LSM4: variants seen among roughly 807,000 people sequenced by gnomAD.
LSM4 encodes the protein LSM4 homolog, U6 small nuclear RNA and mRNA degradation associated, also known as U6 snRNA-associated Sm-like protein LSm4.
Under a neutral mutation model 22.3 loss-of-function variants are expected in LSM4, and 15 were observed. The observed-to-expected ratio is 0.67, with a 90% confidence interval of 0.45 to 1.03. The LOEUF is 1.03. Among genes scored for constraint, LSM4 ranks in the 50% least tolerant of loss-of-function variants. The pLI, the probability that LSM4 is intolerant of heterozygous loss-of-function variation, is 0.00. For missense variants in LSM4, 127 were observed against 198.0 expected (o/e 0.64, Z 2.15); for synonymous variants, 90 against 79.8 (o/e 1.13, Z -0.68).
chr19:18,307,497 C>T lies in LSM4; in HGVS notation c.387G>A (p.Glu129=), dbSNP rs11545125. Residue 129 remains glutamate, a synonymous_variant, in exon 5 of 5, where the codon GAG becomes GAA. Coordinates refer to ENST00000593829, the MANE Select transcript of LSM4 (RefSeq NM_012321.5). Reference sequence around the variant, plus strand: ...TGCCCGCCTGTCTGCCAGGCTTCTTCTCTGGCTGGCCTCTGCCTGTGCCCG... The same window carrying T: ...TGCCCGCCTGTCTGCCAGGCTTCTTTTCTGGCTGGCCTCTGCCTGTGCCCG... ...GIPGTGRGQP[E]KKPGRQAGKQ The T allele has an allele frequency of 1.3e-6, 2 of 1,556,138 alleles. No individual in the cohort carries two copies. Among genetic ancestry groups the T allele is most frequent in the Middle Eastern group, 1.7e-4 (1 of 5,916 alleles).
At position 18,306,294 on chromosome 19, in the gene LSM4, G is replaced by A. The variant is rs189310742; in HGVS notation, c.*1170C>T. On this transcript the variant is annotated 3_prime_UTR_variant, in exon 5 of 5. Transcript: ENST00000593829. ...CTCTCAAAATAGGTCTCCGAACGAG[G>A]ACCCTGAAGAGAAGGCTATGCAGGG... 3 of 152,196 alleles carry A rather than the reference G, an allele frequency of 2.0e-5. No homozygotes were observed. Among genetic ancestry groups the A allele is most frequent in the Non-Finnish European group, 2.9e-5 (2 of 68,038 alleles). The allele number at this position is 152,196 out of a possible 1,614,324, so 9.4% of individuals were successfully genotyped here.
rs535704226 is a variant in LSM4, at chr19:18,308,401, C to T, written c.329-846G>A. The stretch of plus-strand genomic sequence containing the variant: ...TTGGGGACCCCAGCTCTGTAAGCCC[C>T]GTTTAGGGAGCCGTTTCAGAGAACT... On this transcript the variant is annotated intron_variant, in intron 4 of 4. Coordinates refer to ENST00000593829, the MANE Select transcript of LSM4 (RefSeq NM_012321.5). Among the ~76,000 whole-genome samples, 14 of 152,352 alleles carry T rather than the reference C, an allele frequency of 9.2e-5. No homozygotes were observed. The South Asian group carries it at 2.5e-3, about 27-fold the overall frequency.
chr19:18,315,944 A>G (rs1600169147), intron 2 of LSM4, 80 bp downstream of exon 2: 1 of 1,351,824 alleles, frequency 7.4e-7, no homozygotes. Flanking sequence ...GCAGGCCAGG[A>G]AGCCGTCTGC....
At chr19:18,320,268 G>A (rs1461384015) in intron 1 of LSM4, among the ~76,000 whole-genome samples, 1 of 152,222 alleles carries the variant, frequency 6.6e-6, no homozygotes, top group African/African-American at 2.4e-5. Context: ...AGCACTTTGG[G>A]AGACTGAGGT....
chr19:18,309,898 G>C (rs200691217), intron 3 of LSM4, 37 bp from the exon 4 acceptor site: 6 of 1,598,850 alleles, frequency 3.8e-6, no homozygotes, highest in Non-Finnish European at 4.3e-6. Flanking sequence ...ACTTACCACC[G>C]GGCCGTCTGG....
chr19:18,320,706 G>A (rs180874455), intron 1 of LSM4, among the ~76,000 whole-genome samples: 1 of 152,116 alleles, frequency 6.6e-6, no homozygotes, highest in Non-Finnish European at 1.5e-5. Flanking sequence ...GGCTGAGGTA[G>A]GAGAATCACT....
At chr19:18,318,939 T>C (rs1970389394) in intron 1 of LSM4, among the ~76,000 whole-genome samples, 1 of 152,202 alleles carries the variant, frequency 6.6e-6, no homozygotes, top group East Asian at 1.9e-4. Flanking sequence ...AAAGAACATC[T>C]GAGAAACAAA....
In LSM4 at chr19:18,318,725, C is replaced by T. The variant is rs556946233; in HGVS notation, c.4-2660G>A. Among the ~76,000 whole-genome samples, 28 of 152,340 alleles carry T rather than the reference C, an allele frequency of 1.8e-4. 1 individual carries two copies. In the South Asian group the frequency reaches 4.1e-3, roughly 23 times the overall value. ...TCTCATTCTGCAGAGGAGGCGCCAGCGCCCACAGCAGAAGTGACCTGCCCA... is the reference window on the plus strand; with the variant it reads ...TCTCATTCTGCAGAGGAGGCGCCAGTGCCCACAGCAGAAGTGACCTGCCCA... On this transcript the variant is annotated intron_variant, in intron 1 of 4. Coordinates refer to ENST00000593829, the MANE Select transcript of LSM4 (RefSeq NM_012321.5).
intron 4 of LSM4, 101 bp downstream of exon 4, chr19:18,309,577 A>G: frequency 7.7e-7 from 1 of 1,294,132 alleles, no homozygotes; most frequent in Non-Finnish European, 1.0e-6. Context: ...GAGGGTTGGG[A>G]GGCTCCGAGG....
intron 2 of LSM4, among the ~76,000 whole-genome samples, chr19:18,313,690 T>G (rs1183286512): frequency 6.6e-6 from 1 of 152,026 alleles, no homozygotes; most frequent in Non-Finnish European, 1.5e-5. Context: ...GTTAATTTCT[T>G]TTCCTTTTGT....
chr19:18,311,045 G>A (rs1010695734), intron 3 of LSM4, among the ~76,000 whole-genome samples: 12 of 152,174 alleles, frequency 7.9e-5, no homozygotes, highest in Admixed American at 2.6e-4. Context: ...AGCGCTGGGC[G>A]GGGAGGAACA....
intron 2 of LSM4, among the ~76,000 whole-genome samples, chr19:18,314,196 G>C (rs1970327600): frequency 6.6e-6 from 1 of 152,122 alleles, no homozygotes; most frequent in Non-Finnish European, 1.5e-5. Flanking sequence ...TAGCCAAAAA[G>C]GGGAAAGAGC....
chr19:18,314,402 C>T (rs1465935184), intron 2 of LSM4, among the ~76,000 whole-genome samples: 1 of 151,772 alleles, frequency 6.6e-6, no homozygotes, highest in African/African-American at 2.4e-5. Flanking sequence ...TGGCGTGTAC[C>T]TGTAGTCCCA....
chr19:18,318,232 G>A (rs977107439), intron 1 of LSM4, among the ~76,000 whole-genome samples: 7 of 152,230 alleles, frequency 4.6e-5, no homozygotes, highest in Non-Finnish European at 1.0e-4. Flanking sequence ...TGTGGAGGCC[G>A]GAAATGGCCC....
chr19:18,319,753 G>A (rs577783727), intron 1 of LSM4, among the ~76,000 whole-genome samples: 8 of 152,232 alleles, frequency 5.3e-5, no homozygotes, highest in African/African-American at 1.9e-4. Flanking sequence ...CTGCTGAAAC[G>A]TCACCTCCTT....
chr19:18,307,566 G>A lies in LSM4; in HGVS notation c.329-11C>T. On this transcript the variant is annotated splice_polypyrimidine_tract_variant and intron_variant, in intron 4 of 4. Coordinates refer to ENST00000593829, the MANE Select transcript of LSM4 (RefSeq NM_012321.5). ...GGCCACCAAACACACCTAGAGGACAGAGAGAGGGCGCTGCAGCAGAGCCAG... is the reference window on the plus strand; with the variant it reads ...GGCCACCAAACACACCTAGAGGACAAAGAGAGGGCGCTGCAGCAGAGCCAG... The A allele has an allele frequency of 6.7e-7, 1 of 1,495,950 alleles. No individual in the cohort carries two copies. The highest frequency in any genetic ancestry group is 8.9e-7 in the Non-Finnish European group (1 of 1,117,628). 92.7% of individuals were successfully genotyped at this position (1,495,950 alleles called of 1,614,324 possible).
chr19:18,320,957 C>A (rs886205159), intron 1 of LSM4, among the ~76,000 whole-genome samples: 1 of 152,184 alleles, frequency 6.6e-6, no homozygotes, highest in African/African-American at 2.4e-5. Flanking sequence ...GGTCTAGATC[C>A]ACGAGGACCT....
Position 18,323,045 on chromosome 19 carries a change from C to T in LSM4, c.-25G>A, listed in dbSNP as rs762653381. The T allele has an allele frequency of 1.8e-5, 28 of 1,534,136 alleles. No individual in the cohort carries two copies. Among genetic ancestry groups the T allele is most frequent in the Non-Finnish European group, 2.3e-5 (27 of 1,148,976 alleles). The stretch of plus-strand genomic sequence containing the variant: ...TGGTGCCGGCGGGGACCGGGCTCGC[C>T]GGCCACTTCCGCCGCCGCCGCTGCA... On this transcript the variant is annotated 5_prime_UTR_variant, in exon 1 of 5. Coordinates refer to ENST00000593829, the MANE Select transcript of LSM4 (RefSeq NM_012321.5).
At chr19:18,313,825 G>A (rs1970323825) in intron 2 of LSM4, among the ~76,000 whole-genome samples, 1 of 152,058 alleles carries the variant, frequency 6.6e-6, no homozygotes, top group Non-Finnish European at 1.5e-5. Flanking sequence ...CCAAGCCTGA[G>A]ATTTTCTTTT....
Sources: gnomAD v4.1 joint callset for allele counts (sites outside exome capture counted in the v4.1 genomes callset) on GRCh38, gnomAD v4.1.1 for gene constraint, MANE v1.5 for transcripts, NCBI Gene and HGNC (gene_info 2026-07-23, HGNC 2026-07-21) for gene names.